Variants in SLC24A3 observed in about 807,000 individuals in gnomAD.
SLC24A3 encodes the protein solute carrier family 24 member 3, also known as sodium/potassium/calcium exchanger 3.
SLC24A3 carries 28 observed loss-of-function variants against 75.8 expected under a neutral mutation model. The observed-to-expected ratio is 0.37, with a 90% CI of 0.27 to 0.51. The LOEUF (loss-of-function observed/expected upper bound fraction) is 0.51, where lower values mean the gene tolerates loss of function less well. Ranked by LOEUF, SLC24A3 falls within the 20% of genes least tolerant of loss-of-function variation. The probability of loss-of-function intolerance (pLI) is 0.94; values close to 1 mark genes in which losing one functional copy is unlikely to be tolerated. For missense variants in SLC24A3, 663 were observed against 847.8 expected (o/e 0.78, Z 2.71); for synonymous variants, 372 against 334.1 (o/e 1.11, Z -1.24).
intron 2 of SLC24A3, among the ~76,000 whole-genome samples, chr20:19,325,769 TATATATAC>T (rs1361205171): frequency 0.065 from 4,285 of 66,180 alleles, 342 homozygotes; most frequent in African/African-American, 0.25. Flanking sequence ...TACATACATA[TATATATAC>T]ATATATATAT....
At chr20:19,585,089 C>T in intron 5 of SLC24A3, 34 bp downstream of exon 5, 1 of 1,567,680 alleles carries the variant, frequency 6.4e-7, no homozygotes, top group Non-Finnish European at 8.8e-7. Context: ...CTCAGACCTT[C>T]ACTGTCTGAA....
At chr20:19,579,280 C>T (rs1490866126) in intron 3 of SLC24A3, among the ~76,000 whole-genome samples, 2 of 152,148 alleles carry the variant, frequency 1.3e-5, no homozygotes, top group Non-Finnish European at 2.9e-5. Context: ...CGGTTGGATA[C>T]AGTGGAGAGG....
intron 1 of SLC24A3, among the ~76,000 whole-genome samples, chr20:19,213,658 A>G (rs1030382445): frequency 4.6e-5 from 7 of 152,316 alleles, no homozygotes; most frequent in African/African-American, 1.7e-4. Context: ...GCAGTGGACC[A>G]CGCATCACAC....
At chr20:19,244,182 A>C (rs1340623087) in intron 1 of SLC24A3, 1 of 152,122 alleles carries the variant, frequency 6.6e-6, no homozygotes, top group Non-Finnish European at 1.5e-5. Context: ...GGTCATCCTA[A>C]TAGCTTCTGC....
At position 19,327,237 on chromosome 20, in the gene SLC24A3, C is replaced by T. The variant is rs868291475; in HGVS notation, c.271+46150C>T. The stretch of plus-strand genomic sequence containing the variant: ...TATTGAGAAGGTCACTGTTGACTCC[C>T]GTGTGTCCTCACTCCATGGCGGGGC... On this transcript the variant is annotated intron_variant, in intron 2 of 16. Transcript: ENST00000328041. Among the ~76,000 whole-genome samples the T allele has an allele frequency of 1.8e-4, 27 of 152,294 alleles. 1 individual carries two copies. The South Asian group carries it at 1.9e-3, about 11-fold the overall frequency.
In SLC24A3 at chr20:19,292,185, T is replaced by A. The variant is rs187746142; in HGVS notation, c.271+11098T>A. On this transcript the variant is annotated intron_variant, in intron 2 of 16. Transcript: ENST00000328041. ...TCATGAGTTGGTGGAACAAAGCGTGTCAAGTCTTTAACACACAGCCAGTGC... is the reference window on the plus strand; with the variant it reads ...TCATGAGTTGGTGGAACAAAGCGTGACAAGTCTTTAACACACAGCCAGTGC... 3.9e-3 allele frequency among the ~76,000 whole-genome samples: 600 copies of A among 152,296 alleles called. 3 individuals carry two copies. Among genetic ancestry groups the A allele is most frequent in the African/African-American group, 0.014 (563 of 41,550 alleles).
At chr20:19,429,120 A>G (rs1455174047) in intron 2 of SLC24A3, among the ~76,000 whole-genome samples, 1 of 152,248 alleles carries the variant, frequency 6.6e-6, no homozygotes, top group East Asian at 1.9e-4. Context: ...CATTTCTCTG[A>G]AGGTTACTAA....
intron 2 of SLC24A3, among the ~76,000 whole-genome samples, chr20:19,452,225 A>C (rs1212185600): frequency 6.6e-6 from 1 of 152,218 alleles, no homozygotes; most frequent in African/African-American, 2.4e-5. Flanking sequence ...ACAGGGCTAG[A>C]ATTTACCAAG....
chr20:19,467,101 C>T (rs1987778725), intron 2 of SLC24A3, among the ~76,000 whole-genome samples: 2 of 152,128 alleles, frequency 1.3e-5, no homozygotes, highest in Admixed American at 1.3e-4. Flanking sequence ...AGCTTATTTG[C>T]ATTTTGAAAG....
chr20:19,668,479 A>G (rs2032426855), intron 8 of SLC24A3, among the ~76,000 whole-genome samples: 1 of 152,210 alleles, frequency 6.6e-6, no homozygotes, highest in African/African-American at 2.4e-5. Context: ...ATTATAGAAC[A>G]TTCCAGCATG....
At chr20:19,287,054 G>T (rs73278937) in intron 2 of SLC24A3, among the ~76,000 whole-genome samples, 12,354 of 152,300 alleles carry the variant, frequency 0.081, 1,233 homozygotes, top group African/African-American at 0.24. Context: ...ATCAAATTGT[G>T]TGCTGAATTA....
At chr20:19,233,286 A>G (rs1487516373) in intron 1 of SLC24A3, among the ~76,000 whole-genome samples, 3 of 152,182 alleles carry the variant, frequency 2.0e-5, no homozygotes, top group Admixed American at 6.5e-5. Flanking sequence ...CTGGGAGGAG[A>G]AGGATGTCCG....
intron 1 of SLC24A3, among the ~76,000 whole-genome samples, chr20:19,241,828 T>G (rs1982336492): frequency 6.6e-6 from 1 of 152,172 alleles, no homozygotes; most frequent in South Asian, 2.1e-4. Flanking sequence ...TGAATCAGCT[T>G]CCCCTGACAA....
chr20:19,456,359 C>T (rs950947495), intron 2 of SLC24A3, among the ~76,000 whole-genome samples: 1 of 152,080 alleles, frequency 6.6e-6, no homozygotes, highest in Admixed American at 6.6e-5. Context: ...CAGTTTCCCC[C>T]ATACTGTTCT....
At chr20:19,538,002 A>T (rs986623883) in intron 3 of SLC24A3, among the ~76,000 whole-genome samples, 1 of 152,074 alleles carries the variant, frequency 6.6e-6, no homozygotes, top group Non-Finnish European at 1.5e-5. Context: ...CATTGTGCAC[A>T]TGTACCCTAA....
At chr20:19,699,556 T>G (rs1039837140) in intron 15 of SLC24A3, among the ~76,000 whole-genome samples, 5 of 152,196 alleles carry the variant, frequency 3.3e-5, no homozygotes, top group African/African-American at 1.2e-4. Flanking sequence ...TGGAGAAATA[T>G]CTTATGTGGG....
chr20:19,405,203 G>A (rs1986621373), intron 2 of SLC24A3, among the ~76,000 whole-genome samples: 1 of 152,110 alleles, frequency 6.6e-6, no homozygotes, highest in South Asian at 2.1e-4. Flanking sequence ...GGTCTCCAGA[G>A]GGCCCGGGCC....
intron 1 of SLC24A3, among the ~76,000 whole-genome samples, chr20:19,222,570 G>T (rs184507814): frequency 6.6e-6 from 1 of 152,274 alleles, no homozygotes; most frequent in African/African-American, 2.4e-5. Context: ...CTGAGAATCC[G>T]ATAGGAGAGG....
At chr20:19,259,770 C>T (rs548942540) in intron 1 of SLC24A3, among the ~76,000 whole-genome samples, 16 of 152,170 alleles carry the variant, frequency 1.1e-4, no homozygotes, top group Admixed American at 2.0e-4. Flanking sequence ...AACAATTAGA[C>T]GGTGAACATT....
Sources: gnomAD v4.1 joint callset for allele counts (sites outside exome capture counted in the v4.1 genomes callset) on GRCh38, gnomAD v4.1.1 for gene constraint, MANE v1.5 for transcripts, NCBI Gene and HGNC (gene_info 2026-07-23, HGNC 2026-07-21) for gene names.